The following SORL1 variants were observed in gnomAD, a reference collection of about 807,000 sequenced individuals.
SORL1 encodes the protein sortilin related receptor 1.
A neutral mutation model predicts 273.7 loss-of-function variants in SORL1; 127 were observed. That is an observed-to-expected ratio of 0.46 (90% CI 0.40 to 0.54). The LOEUF (loss-of-function observed/expected upper bound fraction) is 0.54. Ranked by LOEUF, SORL1 falls within the 20% of genes least tolerant of loss-of-function variation. The probability of loss-of-function intolerance (pLI) is 0.00; values close to 1 mark genes in which losing one functional copy is unlikely to be tolerated. For missense variants in SORL1, 2,494 were observed against 2,846.1 expected (o/e 0.88, Z 2.81); for synonymous variants, 1,031 against 1,067.4 (o/e 0.97, Z 0.66).
chr11:121,523,877 A>G (rs1862080579), intron 11 of SORL1, among the ~76,000 whole-genome samples: 1 of 152,194 alleles, frequency 6.6e-6, no homozygotes. Flanking sequence ...GTGGTGCTTT[A>G]CTGGGAATGC....
chr11:121,583,331 C>T, intron 25 of SORL1, 127 bp from the exon 26 acceptor site: 2 of 1,121,176 alleles, frequency 1.8e-6, no homozygotes, highest in Non-Finnish European at 2.4e-6. Flanking sequence ...AAGGAGAAAC[C>T]CAGATGCTCC....
At position 121,553,989 on chromosome 11, in the gene SORL1, C is replaced by T; in HGVS notation, c.2319C>T (p.Asp773=). ...YAVRKSIYRY[D]LASGATEQLP... ...TGAGGAAATCCATCTACCGCTATGA[C>T]CTGGCCTCGGGAGCCACCGAGCAGT... Residue 773 remains aspartate (D), a synonymous_variant, in exon 17 of 48, where the codon GAC becomes GAT. Transcript: ENST00000260197. The T allele has an allele frequency of 6.2e-7, 1 of 1,614,188 alleles. No individual in the cohort carries two copies. Among genetic ancestry groups the T allele is most frequent in the Non-Finnish European group, 8.5e-7 (1 of 1,180,022 alleles).
rs1862406505 is a variant in SORL1 at position 121,545,143 on chromosome 11, A to G, written c.1865-100A>G. The G allele has an allele frequency of 6.5e-6, 7 of 1,075,250 alleles. No individual in the cohort carries two copies. The Admixed American group carries it at 8.0e-5, about 12-fold the overall frequency. 66.6% of individuals were successfully genotyped at this position (1,075,250 alleles called of 1,614,324 possible). A position where few individuals can be genotyped will look rare whatever the true frequency, so the allele number is the denominator to read the frequency against. On this transcript the variant is annotated intron_variant, in intron 13 of 47. Transcript: ENST00000260197. ...GTGTGCTTGCGGGGTGGCAACAGAT[A>G]GACAGGAAGTGGGGGTTGAGGCCAG...
chr11:121,604,050 A>G (rs1350565750), intron 32 of SORL1, 143 bp from the exon 33 acceptor site: 9 of 994,890 alleles, frequency 9.0e-6, no homozygotes, highest in African/African-American at 1.6e-5. Flanking sequence ...GTGCCGGTAT[A>G]GATTCCACCA....
In SORL1 at chr11:121,543,602, A is replaced by C. The variant is rs1161997379; in HGVS notation, c.1740A>C (p.Pro580=). The C allele has an allele frequency of 6.2e-7, 1 of 1,614,102 alleles. No individual in the cohort carries two copies. Residue 580 remains proline (P), a synonymous_variant, in exon 13 of 48, where the codon CCA becomes CCC. Transcript: ENST00000260197. ...TWKTFIFSEK[P]VFVYGLLTEP... ...AAACATTCATCTTCTCTGAGAAGCC[A>C]GTGTTTGTGTATGGCCTCCTCACAG...
intron 12 of SORL1, among the ~76,000 whole-genome samples, chr11:121,538,195 T>TC (rs1862294247): frequency 6.6e-6 from 1 of 151,634 alleles, no homozygotes; most frequent in South Asian, 2.1e-4. Flanking sequence ...TTTTTTTTTT[T>TC]TGAGAGGAGG....
At chr11:121,590,402 C>T in intron 30 of SORL1, 1 of 527,866 alleles carries the variant, frequency 1.9e-6, no homozygotes, top group South Asian at 2.5e-5. Context: ...AGTGAGAAGT[C>T]TAGAGCCTTC....
intron 12 of SORL1, among the ~76,000 whole-genome samples, chr11:121,540,181 G>C (rs994999509): frequency 6.6e-6 from 1 of 152,128 alleles, no homozygotes; most frequent in Non-Finnish European, 1.5e-5. Flanking sequence ...GTAGCTGCCT[G>C]CTAGAGTCCT....
At chr11:121,545,709 G>C in intron 14 of SORL1, among the ~76,000 whole-genome samples, 1 of 152,262 alleles carries the variant, frequency 6.6e-6, no homozygotes, top group East Asian at 1.9e-4. Flanking sequence ...TTCTATTAGG[G>C]TAACCCAAAA....
chr11:121,507,490 A>T (rs1460314937), intron 6 of SORL1, among the ~76,000 whole-genome samples: 1 of 152,082 alleles, frequency 6.6e-6, no homozygotes, highest in African/African-American at 2.4e-5. Context: ...CTGAGACATC[A>T]CAATTGACAT....
At chr11:121,597,446 GTGTT>G (rs926957668) in intron 32 of SORL1, among the ~76,000 whole-genome samples, 3 of 150,922 alleles carry the variant, frequency 2.0e-5, no homozygotes, top group African/African-American at 7.3e-5. Flanking sequence ...AATTCTTTGT[GTGTT>G]TGTTTGTTTT....
intron 18 of SORL1, among the ~76,000 whole-genome samples, chr11:121,556,423 T>C (rs1862582553): frequency 6.6e-6 from 1 of 152,012 alleles, no homozygotes; most frequent in Non-Finnish European, 1.5e-5. Flanking sequence ...AGGATGATCT[T>C]TTGTCCACCT....
intron 23 of SORL1, among the ~76,000 whole-genome samples, chr11:121,572,392 A>G (rs1214860760): frequency 6.6e-6 from 1 of 151,982 alleles, no homozygotes; most frequent in Non-Finnish European, 1.5e-5. Context: ...GCTGGGATTC[A>G]CTTTCCAGAG....
At chr11:121,562,570 C>T (rs921918796) in intron 21 of SORL1, among the ~76,000 whole-genome samples, 1 of 152,188 alleles carries the variant, frequency 6.6e-6, no homozygotes, top group African/African-American at 2.4e-5. Context: ...GCTGCCGGCT[C>T]ATTAGTCCCT....
intron 1 of SORL1, among the ~76,000 whole-genome samples, chr11:121,464,183 G>A (rs1287975612): frequency 6.6e-6 from 1 of 152,222 alleles, no homozygotes; most frequent in Non-Finnish European, 1.5e-5. Context: ...AGGACTGCAA[G>A]CTGTGGGAGT....
At chr11:121,493,402 A>C (rs1191441699) in intron 5 of SORL1, among the ~76,000 whole-genome samples, 1 of 151,982 alleles carries the variant, frequency 6.6e-6, no homozygotes, top group African/African-American at 2.4e-5. Context: ...GATTACAGGC[A>C]CCCACCACCA....
At chr11:121,521,755 A>G (rs1396512645) in intron 9 of SORL1, among the ~76,000 whole-genome samples, 2 of 152,236 alleles carry the variant, frequency 1.3e-5, no homozygotes, top group Non-Finnish European at 2.9e-5. Flanking sequence ...AGCAAGACAG[A>G]TACTTGTTAG....
chr11:121,618,981 C>G (rs905746816), intron 42 of SORL1, 88 bp downstream of exon 42: 6 of 1,396,334 alleles, frequency 4.3e-6, no homozygotes, highest in Non-Finnish European at 6.0e-6. Flanking sequence ...AGCTTGCATA[C>G]CTGGACTCCA....
In SORL1 at chr11:121,559,614, G is replaced by A. The variant is rs777092700; in HGVS notation, c.3006G>A (p.Thr1002=). The A allele has an allele frequency of 3.7e-6, 6 of 1,614,138 alleles. No individual in the cohort carries two copies. The highest frequency in any genetic ancestry group is 5.1e-6 in the Non-Finnish European group (6 of 1,180,004). The part of the protein sequence containing the change: ...SQMEILANQL[T]GLMDMKIFYK... The stretch of plus-strand genomic sequence containing the variant: ...TGGAGATTCTGGCAAACCAGCTCAC[G>A]GGGCTCATGGACATGAAGATTTTCT... Residue 1002 remains threonine (T), a synonymous_variant, in exon 21 of 48, where the codon ACG becomes ACA. Coordinates refer to ENST00000260197, the MANE Select transcript of SORL1 (RefSeq NM_003105.6).
Sources: gnomAD v4.1 joint callset for allele counts (sites outside exome capture counted in the v4.1 genomes callset) on GRCh38, gnomAD v4.1.1 for gene constraint, MANE v1.5 for transcripts, NCBI Gene and HGNC (gene_info 2026-07-23, HGNC 2026-07-21) for gene names.